GALNT13: variants seen among roughly 807,000 people sequenced by gnomAD.
The protein encoded by GALNT13 is polypeptide N-acetylgalactosaminyltransferase 13.
A neutral mutation model predicts 64.2 loss-of-function variants in GALNT13; 28 were observed. The ratio of observed to expected loss-of-function variants is 0.44; its 90% CI spans 0.32 to 0.60. The LOEUF is 0.60. Among genes scored for constraint, GALNT13 ranks in the 20% least tolerant of loss-of-function variants. GALNT13 has a pLI of 0.05. For synonymous variants in GALNT13, 214 were observed against 224.6 expected (o/e 0.95, Z 0.42); for missense variants, 577 against 669.8 (o/e 0.86, Z 1.53).
chr2:153,261,381 A>G, the GALNT13 span, among the ~76,000 whole-genome samples: 7 of 152,228 alleles, frequency 4.6e-5, no homozygotes, highest in South Asian at 1.5e-3. Flanking sequence ...GGACTTGGGT[A>G]TTGAGATCTA....
At chr2:153,281,390 T>C in the GALNT13 span, among the ~76,000 whole-genome samples, 7 of 152,192 alleles carry the variant, frequency 4.6e-5, no homozygotes, top group Non-Finnish European at 8.8e-5. Context: ...TTATATTTAG[T>C]ATTGGTATGA....
chr2:153,206,254 C>G, the GALNT13 span, among the ~76,000 whole-genome samples: 1 of 152,032 alleles, frequency 6.6e-6, no homozygotes, highest in Non-Finnish European at 1.5e-5. Context: ...TAAATTGAAT[C>G]TGACTTGAAC....
chr2:153,689,732 G>T, the GALNT13 span, among the ~76,000 whole-genome samples: 2 of 152,010 alleles, frequency 1.3e-5, no homozygotes, highest in African/African-American at 4.8e-5. Context: ...ATGATATGTG[G>T]TTTTTCCCTG....
chr2:153,761,727 T>G, the GALNT13 span: 1 of 153,786 alleles, frequency 6.5e-6, no homozygotes, highest in Middle Eastern at 3.3e-3. Flanking sequence ...CTGGCATGAC[T>G]TCATTTAGCA....
intron 4 of GALNT13, among the ~76,000 whole-genome samples, chr2:154,191,764 C>T (rs918719306): frequency 6.6e-6 from 1 of 152,118 alleles, no homozygotes; most frequent in South Asian, 2.1e-4. Flanking sequence ...TGTGGGGCTT[C>T]GACCCCACGG....
At chr2:153,135,505 G>C in the GALNT13 span, among the ~76,000 whole-genome samples, 1 of 152,036 alleles carries the variant, frequency 6.6e-6, no homozygotes, top group Non-Finnish European at 1.5e-5. Context: ...CTACAGTATG[G>C]CTAACTACTT....
chr2:153,650,605 G>A, the GALNT13 span, among the ~76,000 whole-genome samples: 3 of 152,146 alleles, frequency 2.0e-5, no homozygotes, highest in Admixed American at 2.0e-4. Flanking sequence ...GCTGGTACAG[G>A]TTGTTCCTTT....
In GALNT13 at chr2:154,198,781, G is replaced by A. The variant is rs565515420; in HGVS notation, c.312-43249G>A. Among the ~76,000 whole-genome samples the A allele has an allele frequency of 2.6e-3, 390 of 152,074 alleles. 1 individual carries two copies. The highest frequency in any genetic ancestry group is 4.0e-3 in the Non-Finnish European group (274 of 67,938). Reference sequence around the variant, plus strand: ...AACTGAAGGGTCAAGGACTTAATAAGGTTATCTTACAAAGTGGAGAATTAA... The same window carrying A: ...AACTGAAGGGTCAAGGACTTAATAAAGTTATCTTACAAAGTGGAGAATTAA... On this transcript the variant is annotated intron_variant, in intron 4 of 12. Transcript: ENST00000392825.
chr2:153,492,626 C>T, the GALNT13 span, among the ~76,000 whole-genome samples: 958 of 152,120 alleles, frequency 6.3e-3, 9 homozygotes, highest in African/African-American at 0.022. Context: ...AGAGGAAAAA[C>T]GAAATAATGT....
the GALNT13 span, among the ~76,000 whole-genome samples, chr2:153,441,570 C>T: frequency 1.3e-5 from 2 of 152,160 alleles, no homozygotes; most frequent in Admixed American, 1.3e-4. Context: ...ATGATTCTTC[C>T]TATTCATGAG....
At chr2:153,274,732 T>G in the GALNT13 span, among the ~76,000 whole-genome samples, 8 of 152,244 alleles carry the variant, frequency 5.3e-5, no homozygotes, top group East Asian at 1.5e-3. Context: ...CTTTCCTTAT[T>G]CTTTTATTTG....
chr2:153,777,973 G>A, the GALNT13 span, among the ~76,000 whole-genome samples: 4 of 152,198 alleles, frequency 2.6e-5, no homozygotes, highest in Non-Finnish European at 1.5e-5. Context: ...GTTTTATTGA[G>A]TGGAAGTAGT....
chr2:153,496,484 A>G, the GALNT13 span, among the ~76,000 whole-genome samples: 23 of 152,256 alleles, frequency 1.5e-4, no homozygotes, highest in Non-Finnish European at 1.5e-4. Context: ...AAAAGGAAAA[A>G]TCAAACTAAA....
chr2:153,626,000 C>T, the GALNT13 span, among the ~76,000 whole-genome samples: 1 of 152,100 alleles, frequency 6.6e-6, no homozygotes, highest in Non-Finnish European at 1.5e-5. Context: ...GTTGCTATTA[C>T]TCTTTCCATT....
intron 9 of GALNT13, among the ~76,000 whole-genome samples, chr2:154,370,834 G>T (rs965468095): frequency 2.0e-5 from 3 of 152,022 alleles, no homozygotes; most frequent in Non-Finnish European, 4.4e-5. Context: ...AAATCCACTG[G>T]ACTAAATGAG....
intron 4 of GALNT13, among the ~76,000 whole-genome samples, chr2:154,175,414 C>A (rs1685590935): frequency 6.6e-6 from 1 of 152,136 alleles, no homozygotes. Context: ...ATGAGCCTTT[C>A]TACTGTCTGA....
the GALNT13 span, among the ~76,000 whole-genome samples, chr2:153,423,715 T>A: frequency 1.7e-4 from 26 of 151,788 alleles, no homozygotes; most frequent in Non-Finnish European, 2.2e-4. Flanking sequence ...AGAAGTAACT[T>A]CACAGAGGCA....
the GALNT13 span, among the ~76,000 whole-genome samples, chr2:153,851,403 T>C: frequency 6.6e-6 from 1 of 152,092 alleles, no homozygotes; most frequent in East Asian, 1.9e-4. Flanking sequence ...ATCTTTTAGG[T>C]AGAAGTAAAA....
intron 12 of GALNT13, among the ~76,000 whole-genome samples, chr2:154,443,553 C>T (rs544633063): frequency 6.6e-6 from 1 of 151,888 alleles, no homozygotes; most frequent in Non-Finnish European, 1.5e-5. Context: ...AAACTGAGAC[C>T]TGTGCGATTG....
Sources: allele counts gnomAD v4.1 joint callset (sites outside exome capture counted in the v4.1 genomes callset), GRCh38; gene constraint gnomAD v4.1.1; transcripts MANE v1.5; gene names NCBI Gene and HGNC (gene_info 2026-07-23, HGNC 2026-07-21).